Variants in MAPK10 observed in about 807,000 individuals in gnomAD.
The protein encoded by MAPK10 is mitogen-activated protein kinase 10, also known as JNK3 alpha protein kinase.
MAPK10 carries 25 observed loss-of-function variants against 59.3 expected under a neutral mutation model. The ratio of observed to expected loss-of-function variants is 0.42; its 90% confidence interval spans 0.31 to 0.59. The LOEUF (loss-of-function observed/expected upper bound fraction) is 0.59. MAPK10 is among the 20% of genes least tolerant of loss of function. MAPK10 has a pLI of 0.15. For missense variants in MAPK10, 351 were observed against 568.9 expected, an observed-to-expected ratio of 0.62 and a Z score of 3.90; for synonymous variants, 190 against 200.5, an observed-to-expected ratio of 0.95 and a Z score of 0.44.
At chr4:86,373,679 G>T (rs1350119514) in intron 1 of MAPK10, among the ~76,000 whole-genome samples, 3 of 152,204 alleles carry the variant, frequency 2.0e-5, no homozygotes, top group Admixed American at 6.5e-5. Context: ...AGTCATTAGA[G>T]AAATGCAAAT....
chr4:86,475,525 T>C (rs1259755744), intron 1 of MAPK10, among the ~76,000 whole-genome samples: 3 of 152,160 alleles, frequency 2.0e-5, no homozygotes, highest in African/African-American at 7.2e-5. Context: ...ACACGTTTTA[T>C]CCGTGGACCC....
At chr4:86,457,439 C>A (rs1299838665), upstream of MAPK10, among the ~76,000 whole-genome samples, 1 of 152,146 alleles carries the variant, frequency 6.6e-6, no homozygotes, top group Non-Finnish European at 1.5e-5. Flanking sequence ...TCCTAGAACT[C>A]ATAAAAGAAT....
At chr4:86,228,042 C>G (rs553200096) in intron 2 of MAPK10, among the ~76,000 whole-genome samples, 2 of 151,986 alleles carry the variant, frequency 1.3e-5, no homozygotes. Flanking sequence ...TCCTTGTTGG[C>G]TATTTATTGA....
At chr4:86,154,445 T>C (rs1285038032) in intron 4 of MAPK10, among the ~76,000 whole-genome samples, 1 of 152,158 alleles carries the variant, frequency 6.6e-6, no homozygotes, top group East Asian at 1.9e-4. Flanking sequence ...TTAAATCCCA[T>C]GCTCTTAACT....
chr4:86,095,302 T>A (rs1196135762), intron 9 of MAPK10: 1 of 151,852 alleles, frequency 6.6e-6, no homozygotes. Context: ...CAGTCATCAA[T>A]GACAATTTCA....
chr4:86,588,621 T>A (rs1260938428), intron 1 of MAPK10, among the ~76,000 whole-genome samples: 3 of 152,168 alleles, frequency 2.0e-5, no homozygotes, highest in African/African-American at 4.8e-5. Flanking sequence ...TGATCACATA[T>A]CTGGTCATGT....
At chr4:86,229,715 A>G (rs1016611449) in intron 2 of MAPK10, among the ~76,000 whole-genome samples, 2 of 130,716 alleles carry the variant, frequency 1.5e-5, no homozygotes, top group African/African-American at 7.8e-5. Flanking sequence ...ATTTTATTTT[A>G]TGAAAAAAAA....
chr4:86,043,099 T>C (rs1451589952), intron 11 of MAPK10, among the ~76,000 whole-genome samples: 1 of 152,158 alleles, frequency 6.6e-6, no homozygotes, highest in Non-Finnish European at 1.5e-5. Flanking sequence ...GTTAGATTTA[T>C]ACATCTGGAA....
At chr4:86,379,668 A>G (rs1237754632) in intron 1 of MAPK10, among the ~76,000 whole-genome samples, 1 of 152,224 alleles carries the variant, frequency 6.6e-6, no homozygotes, top group Admixed American at 6.5e-5. Context: ...AACTAGCCAG[A>G]GCTCATCCCT....
intron 2 of MAPK10, among the ~76,000 whole-genome samples, chr4:86,206,020 A>C (rs1020245879): frequency 3.3e-5 from 5 of 152,092 alleles, no homozygotes; most frequent in African/African-American, 1.2e-4. Flanking sequence ...TTCTCCACTG[A>C]AGACAACAGG....
chr4:86,211,917 A>G (rs2085926206), intron 2 of MAPK10, among the ~76,000 whole-genome samples: 1 of 152,160 alleles, frequency 6.6e-6, no homozygotes, highest in Non-Finnish European at 1.5e-5. Context: ...TGTATTCCCC[A>G]TGCTAGACAC....
At chr4:86,261,587 A>G (rs2093982964) in intron 2 of MAPK10, among the ~76,000 whole-genome samples, 1 of 152,224 alleles carries the variant, frequency 6.6e-6, no homozygotes, top group African/African-American at 2.4e-5. Flanking sequence ...ATATGCTAAT[A>G]GGCAGGATTG....
chr4:86,190,526 T>C (rs1225584658), intron 3 of MAPK10, among the ~76,000 whole-genome samples: 1 of 152,220 alleles, frequency 6.6e-6, no homozygotes, highest in Non-Finnish European at 1.5e-5. Flanking sequence ...TTCAAGTTTA[T>C]TTGCATAGAG....
At position 86,098,555 on chromosome 4, in the gene MAPK10, A is replaced by T. The variant is rs1481235392; in HGVS notation, c.771T>A (p.Val257=). 14 of 1,613,598 alleles carry T rather than the reference A, an allele frequency of 8.7e-6. No homozygotes were observed. The highest frequency in any genetic ancestry group is 1.2e-5 in the Non-Finnish European group (14 of 1,179,564). ...WSVGCIMGEM[V]RHKILFPGRD... ...TTCCTGGAAAGAGGATTTTGTGGCG[A>T]ACCATTTCTCCCATAATGCATCCCA... The change falls in exon 9 of 14, where the codon GTT becomes GTA. Residue 257 remains valine, a synonymous_variant. Transcript: ENST00000641462.
rs186361244 is a variant in MAPK10, at chr4:86,012,563, C to G, written c.*4665G>C. The G allele has an allele frequency of 6.6e-6, 1 of 152,228 alleles. No homozygotes were observed. The highest frequency in any genetic ancestry group is 1.9e-4 in the East Asian group (1 of 5,190). The allele number at this position is 152,228 out of a possible 1,614,324, so 9.4% of individuals were successfully genotyped here. ...ATCATAATATATTGACTCCATATTACCTAAAAAGAGTCAAAAGAAGCAGAA... is the reference window on the plus strand; with the variant it reads ...ATCATAATATATTGACTCCATATTAGCTAAAAAGAGTCAAAAGAAGCAGAA... On this transcript the variant is annotated 3_prime_UTR_variant, in exon 14 of 14. Transcript: ENST00000641462.
chr4:86,098,511 G>A lies in MAPK10; in HGVS notation c.802+13C>T. 1 of 1,611,690 alleles carries A rather than the reference G, an allele frequency of 6.2e-7. No homozygotes were observed. The highest frequency in any genetic ancestry group is 8.5e-7 in the Non-Finnish European group (1 of 1,177,942). ...CAAAACAGGTAAAGCTGTAGCAAAA[G>A]GTACAAGGATACAGTCCCTTCCTGG... On this transcript the variant is annotated intron_variant, in intron 9 of 13. Transcript: ENST00000641462.
chr4:86,212,479 C>G (rs998644192), intron 2 of MAPK10, among the ~76,000 whole-genome samples: 1 of 152,018 alleles, frequency 6.6e-6, no homozygotes, highest in Non-Finnish European at 1.5e-5. Context: ...CATTATTACA[C>G]CACTGCACTC....
At chr4:86,255,005 C>T (rs2093643157) in intron 2 of MAPK10, among the ~76,000 whole-genome samples, 1 of 151,830 alleles carries the variant, frequency 6.6e-6, no homozygotes, top group Admixed American at 6.6e-5. Context: ...ACCAAGGTAA[C>T]TAATCTGCTG....
At chr4:86,455,422 A>T (rs1440762656), upstream of MAPK10, among the ~76,000 whole-genome samples, 1 of 152,202 alleles carries the variant, frequency 6.6e-6, no homozygotes. Context: ...CACCTAACAC[A>T]TAAGGACTCA....
Sources: gnomAD v4.1 joint callset for allele counts (sites outside exome capture counted in the v4.1 genomes callset) on GRCh38, gnomAD v4.1.1 for gene constraint, MANE v1.5 for transcripts, NCBI Gene and HGNC (gene_info 2026-07-23, HGNC 2026-07-21) for gene names.